ITGA9: variants seen among roughly 807,000 people sequenced by gnomAD.
ITGA9 encodes integrin alpha-9.
A neutral mutation model predicts 127.8 loss-of-function variants in ITGA9; 56 were observed. The observed-to-expected ratio is 0.44, with a 90% CI of 0.35 to 0.55. ITGA9 has a LOEUF of 0.55. ITGA9 is among the 20% of genes least tolerant of loss of function. The pLI, the probability that ITGA9 is intolerant of heterozygous loss-of-function variation, is 0.00. For missense variants in ITGA9, 1,196 were observed against 1,347.1 expected (o/e 0.89, Z 1.76); for synonymous variants, 508 against 514.5 (o/e 0.99, Z 0.17).
At chr3:37,501,082 T>G (rs1698782929) in intron 5 of ITGA9, among the ~76,000 whole-genome samples, 1 of 152,232 alleles carries the variant, frequency 6.6e-6, no homozygotes, top group Non-Finnish European at 1.5e-5. Context: ...TAGTGTGAAC[T>G]CTGAGATATA....
chr3:37,500,945 A>G (rs566900261), intron 5 of ITGA9, among the ~76,000 whole-genome samples: 1 of 152,156 alleles, frequency 6.6e-6, no homozygotes, highest in South Asian at 2.1e-4. Flanking sequence ...TAGCTGAAAG[A>G]TTTCCTCTAG....
rs556631281 is a variant in ITGA9 at position 37,692,615 on chromosome 3, A to G, written c.2067+8600A>G. 2.6e-5 allele frequency among the ~76,000 whole-genome samples: 4 copies of G among 152,250 alleles called. No homozygotes were observed. In the South Asian group the frequency reaches 8.3e-4, roughly 32 times the overall value. Reference sequence around the variant, plus strand: ...TTTTGTGACTCCTGATTTTTTTAAAATAATGCTTGTTGATTTTTTTTTTCC... The same window carrying G: ...TTTTGTGACTCCTGATTTTTTTAAAGTAATGCTTGTTGATTTTTTTTTTCC... On this transcript the variant is annotated intron_variant, in intron 18 of 27. Coordinates refer to ENST00000264741, the MANE Select transcript of ITGA9 (RefSeq NM_002207.3).
intron 18 of ITGA9, among the ~76,000 whole-genome samples, chr3:37,724,778 G>A (rs1358523067): frequency 6.6e-6 from 1 of 152,138 alleles, no homozygotes; most frequent in Non-Finnish European, 1.5e-5. Flanking sequence ...GATTACAGTC[G>A]TGAGCCACTG....
At chr3:37,549,316 G>A (rs954861022) in intron 15 of ITGA9, among the ~76,000 whole-genome samples, 1 of 152,208 alleles carries the variant, frequency 6.6e-6, no homozygotes, top group Non-Finnish European at 1.5e-5. Flanking sequence ...ATTGTGATTA[G>A]CAAAGGAAGG....
chr3:37,730,168 CA>C (rs1166623361), intron 18 of ITGA9, among the ~76,000 whole-genome samples: 1 of 152,156 alleles, frequency 6.6e-6, no homozygotes, highest in East Asian at 1.9e-4. Context: ...CACACACACA[CA>C]TACACTTATA....
rs184346771 is a variant in ITGA9, at chr3:37,743,983, T to C, written c.2382T>C (p.Ile794=). 6.2e-7 allele frequency: 1 copy of C among 1,614,124 alleles called. No homozygotes were observed. The highest frequency in any genetic ancestry group is 1.7e-5 in the Admixed American group (1 of 60,032). ...YGESVDAANF[I]QLDDLECHFQ... is the part of the protein sequence containing the mutation. ...AGTCCGTGGACGCAGCCAACTTCAT[T>C]CAGCTGGATGACCTGGAGTGTCACT... Residue 794 remains isoleucine (I), a synonymous_variant, in exon 22 of 28, where the codon ATT becomes ATC. Coordinates refer to ENST00000264741, the MANE Select transcript of ITGA9 (RefSeq NM_002207.3).
At chr3:37,499,924 CA>C (rs1187795519) in intron 5 of ITGA9, among the ~76,000 whole-genome samples, 8 of 152,178 alleles carry the variant, frequency 5.3e-5, no homozygotes, top group Non-Finnish European at 1.0e-4. Context: ...CATCAGAAAG[CA>C]ACATATCCCA....
Position 37,819,689 on chromosome 3 carries a change from C to G in ITGA9, c.*700C>G, listed in dbSNP as rs1697488251. On this transcript the variant is annotated 3_prime_UTR_variant, in exon 28 of 28. Transcript: ENST00000264741. ...GTACTTTTCATTGGAAGATTCCCAA[C>G]AAGAATTTGGATGGAAAACCTGATC... The G allele has an allele frequency of 2.0e-5, 3 of 152,342 alleles. No individual in the cohort carries two copies. In the South Asian group the frequency reaches 6.2e-4, roughly 32 times the overall value. 9.4% of individuals were successfully genotyped at this position (152,342 alleles called of 1,614,324 possible).
chr3:37,665,790 T>A (rs1193163750), intron 17 of ITGA9, among the ~76,000 whole-genome samples: 3 of 152,152 alleles, frequency 2.0e-5, no homozygotes, highest in African/African-American at 7.2e-5. Context: ...AGCAGATGCC[T>A]CTCCTCACAT....
intron 18 of ITGA9, among the ~76,000 whole-genome samples, chr3:37,701,056 C>T (rs1044856611): frequency 6.6e-6 from 1 of 152,178 alleles, no homozygotes; most frequent in African/African-American, 2.4e-5. Flanking sequence ...ATGTCTGTGC[C>T]TTCAGGGGTG....
intron 16 of ITGA9, among the ~76,000 whole-genome samples, chr3:37,633,369 A>G (rs1292655320): frequency 6.6e-6 from 1 of 152,234 alleles, no homozygotes; most frequent in East Asian, 1.9e-4. Flanking sequence ...TTGAAAATGT[A>G]TTTAATACAC....
Position 37,819,071 on chromosome 3 carries a change from T to G in ITGA9, c.*82T>G. ...CTTCCATATTTGGAAGAAAAAAATCTTCTCCAGATTTTTCGGAGGCCCCAC... is the reference window on the plus strand; with the variant it reads ...CTTCCATATTTGGAAGAAAAAAATCGTCTCCAGATTTTTCGGAGGCCCCAC... On this transcript the variant is annotated 3_prime_UTR_variant, in exon 28 of 28. Coordinates refer to ENST00000264741, the MANE Select transcript of ITGA9 (RefSeq NM_002207.3). 1 of 1,106,206 alleles carries G rather than the reference T, an allele frequency of 9.0e-7. No individual in the cohort carries two copies. The highest frequency in any genetic ancestry group is 2.0e-4 in the Middle Eastern group (1 of 5,004). 68.5% of individuals were successfully genotyped at this position (1,106,206 alleles called of 1,614,324 possible).
At chr3:37,491,433 TG>T in intron 4 of ITGA9, among the ~76,000 whole-genome samples, 1 of 152,358 alleles carries the variant, frequency 6.6e-6, no homozygotes. Context: ...GCCATGTCCC[TG>T]GGGGCATTTG....
At chr3:37,639,057 G>A (rs536985793) in intron 16 of ITGA9, among the ~76,000 whole-genome samples, 1 of 152,276 alleles carries the variant, frequency 6.6e-6, no homozygotes, top group South Asian at 2.1e-4. Flanking sequence ...GCGCTCTGGG[G>A]ACGGTGGAGC....
At chr3:37,661,291 A>G (rs1290125391) in intron 17 of ITGA9, among the ~76,000 whole-genome samples, 1 of 152,204 alleles carries the variant, frequency 6.6e-6, no homozygotes. Context: ...TGAACCTCAG[A>G]AACAATGCCT....
chr3:37,599,310 C>G (rs1298691675), intron 15 of ITGA9, among the ~76,000 whole-genome samples: 1 of 152,128 alleles, frequency 6.6e-6, no homozygotes, highest in Admixed American at 6.5e-5. Context: ...TGTTAGGGTT[C>G]AGCTTGCAGG....
At chr3:37,650,974 T>A (rs1449089516) in intron 16 of ITGA9, among the ~76,000 whole-genome samples, 9 of 152,344 alleles carry the variant, frequency 5.9e-5, no homozygotes, top group African/African-American at 2.2e-4. Flanking sequence ...AAAAGTCAAT[T>A]TTCTTAATGT....
intron 16 of ITGA9, among the ~76,000 whole-genome samples, 194 bp from the exon 17 acceptor site, chr3:37,653,520 A>G (rs1700448035): frequency 6.6e-6 from 1 of 152,148 alleles, no homozygotes; most frequent in South Asian, 2.1e-4. Context: ...TCAAAACCAC[A>G]GTTGACTTAG....
At chr3:37,580,912 G>A (rs1156871278) in intron 15 of ITGA9, among the ~76,000 whole-genome samples, 2 of 152,196 alleles carry the variant, frequency 1.3e-5, no homozygotes, top group African/African-American at 4.8e-5. Context: ...GACTCTGGAC[G>A]AGTTGCTTTA....
Sources: allele counts gnomAD v4.1 joint callset (sites outside exome capture counted in the v4.1 genomes callset), GRCh38; gene constraint gnomAD v4.1.1; transcripts MANE v1.5; gene names NCBI Gene and HGNC (gene_info 2026-07-23, HGNC 2026-07-21).